The following CXCL13 variants were observed in gnomAD, a reference collection of about 807,000 sequenced individuals.
The protein encoded by CXCL13 is C-X-C motif chemokine 13.
CXCL13 carries 7 observed loss-of-function variants against 12.2 expected under a neutral mutation model. The ratio of observed to expected loss-of-function variants is 0.57; its 90% CI spans 0.33 to 1.07. The LOEUF (loss-of-function observed/expected upper bound fraction) is 1.07. Among genes scored for constraint, CXCL13 ranks in the 50% least tolerant of loss-of-function variants. CXCL13 has a pLI of 0.04. For missense variants in CXCL13, 113 were observed against 127.4 expected (o/e 0.89, Z 0.55); for synonymous variants, 47 against 42.4 (o/e 1.11, Z -0.42).
chr4:77,604,463 C>T (rs1726956763), upstream of CXCL13, among the ~76,000 whole-genome samples: 3 of 151,956 alleles, frequency 2.0e-5, no homozygotes, highest in African/African-American at 7.3e-5. Context: ...ATTTGGATTG[C>T]CATCATATAG....
At chr4:77,599,418 A>T in intron 1 of CXCL13, among the ~76,000 whole-genome samples, 1 of 152,324 alleles carries the variant, frequency 6.6e-6, no homozygotes, top group South Asian at 2.1e-4. Context: ...TAATGACAAG[A>T]AAAAAATCTG....
At chr4:77,549,316 T>C (rs1297478634) in intron 1 of CXCL13, among the ~76,000 whole-genome samples, 2 of 152,222 alleles carry the variant, frequency 1.3e-5, no homozygotes, top group Non-Finnish European at 2.9e-5. Flanking sequence ...TTATTACCAA[T>C]CTTCTGAAGC....
At chr4:77,592,425 G>C (rs576122719) in intron 1 of CXCL13, among the ~76,000 whole-genome samples, 1 of 152,260 alleles carries the variant, frequency 6.6e-6, no homozygotes, top group African/African-American at 2.4e-5. Context: ...CAGGGGTTGG[G>C]GGAAGGGGAA....
At chr4:77,533,696 C>T (rs902268930) in intron 1 of CXCL13, among the ~76,000 whole-genome samples, 2 of 152,180 alleles carry the variant, frequency 1.3e-5, no homozygotes, top group African/African-American at 4.8e-5. Flanking sequence ...TTCGAGCTAC[C>T]AGGCCGCTTT....
At chr4:77,581,957 G>A (rs1726343787) in intron 1 of CXCL13, among the ~76,000 whole-genome samples, 1 of 152,062 alleles carries the variant, frequency 6.6e-6, no homozygotes, top group Admixed American at 6.5e-5. Context: ...TTCTATTAAA[G>A]TTCACTAAAG....
upstream of CXCL13, among the ~76,000 whole-genome samples, chr4:77,602,781 A>T (rs150241521): frequency 7.2e-5 from 11 of 152,304 alleles, no homozygotes; most frequent in African/African-American, 2.6e-4. Flanking sequence ...AATTGTTTCC[A>T]TTTGAGTTTT....
intron 1 of CXCL13, among the ~76,000 whole-genome samples, chr4:77,547,922 G>T (rs1240629108): frequency 1.3e-5 from 2 of 152,104 alleles, no homozygotes; most frequent in African/African-American, 2.4e-5. Flanking sequence ...TTGTAAGGCA[G>T]GCCTGGTGGT....
chr4:77,585,072 T>C (rs556312734), intron 1 of CXCL13, among the ~76,000 whole-genome samples: 4 of 152,282 alleles, frequency 2.6e-5, no homozygotes, highest in Non-Finnish European at 4.4e-5. Context: ...CAAGCTTTCC[T>C]GAAGTAGAGC....
chr4:77,561,148 T>C (rs1260244583), intron 1 of CXCL13, among the ~76,000 whole-genome samples: 4 of 152,330 alleles, frequency 2.6e-5, no homozygotes, highest in Non-Finnish European at 4.4e-5. Context: ...TGATCTATTG[T>C]ACCTAGTGAC....
At chr4:77,526,748 G>C (rs1724775786) in intron 1 of CXCL13, among the ~76,000 whole-genome samples, 1 of 152,002 alleles carries the variant, frequency 6.6e-6, no homozygotes, top group Non-Finnish European at 1.5e-5. Context: ...CATGAGGGAA[G>C]GGAAAACAGA....
At chr4:77,546,193 A>G (rs887280111) in intron 1 of CXCL13, among the ~76,000 whole-genome samples, 2 of 152,170 alleles carry the variant, frequency 1.3e-5, no homozygotes, top group African/African-American at 4.8e-5. Flanking sequence ...CATCACTGAT[A>G]TTGGTCTAAA....
chr4:77,581,094 G>A (rs1358250327), intron 1 of CXCL13, among the ~76,000 whole-genome samples: 1 of 152,122 alleles, frequency 6.6e-6, no homozygotes, highest in Non-Finnish European at 1.5e-5. Context: ...GGTTGGGGGA[G>A]TGAGGAAATA....
chr4:77,541,377 A>C (rs1197542631), intron 1 of CXCL13, among the ~76,000 whole-genome samples: 1 of 151,928 alleles, frequency 6.6e-6, no homozygotes, highest in Non-Finnish European at 1.5e-5. Flanking sequence ...CAGGATTCTT[A>C]ATTTGGGGTC....
intron 1 of CXCL13, among the ~76,000 whole-genome samples, chr4:77,542,448 C>A (rs561769178): frequency 1.4e-3 from 213 of 152,120 alleles, no homozygotes; most frequent in African/African-American, 4.9e-3. Flanking sequence ...AGAGTTTTTT[C>A]TGTGTCTATT....
intron 1 of CXCL13, among the ~76,000 whole-genome samples, chr4:77,514,429 A>C (rs1301053764): frequency 2.5e-4 from 35 of 142,650 alleles, no homozygotes; most frequent in East Asian, 1.4e-3. Flanking sequence ...CCAACAGTGT[A>C]AAAGTGTTCC....
At chr4:77,604,233 T>C (rs1315409181), upstream of CXCL13, among the ~76,000 whole-genome samples, 1 of 152,138 alleles carries the variant, frequency 6.6e-6, no homozygotes, top group African/African-American at 2.4e-5. Context: ...CTGCCCACCA[T>C]GGGCCCCTCT....
intron 1 of CXCL13, among the ~76,000 whole-genome samples, chr4:77,515,323 G>GT: frequency 6.6e-6 from 1 of 152,046 alleles, no homozygotes; most frequent in Non-Finnish European, 1.5e-5. Flanking sequence ...CTTTAAAGTA[G>GT]TTTTTTCCAA....
chr4:77,535,987 G>A (rs1019691576), intron 1 of CXCL13, among the ~76,000 whole-genome samples: 1 of 152,110 alleles, frequency 6.6e-6, no homozygotes, highest in Non-Finnish European at 1.5e-5. Flanking sequence ...ACTTTGTTGA[G>A]CAGTAATAGA....
At chr4:77,572,869 T>C (rs1025905825) in intron 1 of CXCL13, among the ~76,000 whole-genome samples, 13 of 151,856 alleles carry the variant, frequency 8.6e-5, no homozygotes, top group African/African-American at 3.2e-4. Context: ...ATAAAGAAAA[T>C]GTGGTAAATA....
Sources: allele counts gnomAD v4.1 joint callset (sites outside exome capture counted in the v4.1 genomes callset), GRCh38; gene constraint gnomAD v4.1.1; transcripts MANE v1.5; gene names NCBI Gene and HGNC (gene_info 2026-07-23, HGNC 2026-07-21).